The following DPYSL5 variants were observed in gnomAD, a reference collection of about 807,000 sequenced individuals.
DPYSL5 encodes the protein dihydropyrimidinase-related protein 5.
DPYSL5 carries 9 observed loss-of-function variants against 58.4 expected under a neutral mutation model. The observed-to-expected ratio is 0.15, with a 90% CI of 0.09 to 0.27. DPYSL5 has a LOEUF of 0.27. Ranked by LOEUF, DPYSL5 falls within the 10% of genes least tolerant of loss-of-function variation. The pLI, the probability that DPYSL5 is intolerant of heterozygous loss-of-function variation, is 1.00. For missense variants in DPYSL5, 499 were observed against 770.6 expected, an observed-to-expected ratio of 0.65 and a Z score of 4.17; for synonymous variants, 293 against 301.9, an observed-to-expected ratio of 0.97 and a Z score of 0.31.
intron 2 of DPYSL5, among the ~76,000 whole-genome samples, chr2:26,919,473 A>T (rs560299915): frequency 6.6e-6 from 1 of 152,256 alleles, no homozygotes; most frequent in Non-Finnish European, 1.5e-5. Flanking sequence ...ATGATGTTTC[A>T]TATTCTTCCA....
chr2:26,857,733 G>C (rs778735021), intron 1 of DPYSL5, among the ~76,000 whole-genome samples: 6 of 152,104 alleles, frequency 3.9e-5, no homozygotes, highest in Non-Finnish European at 7.3e-5. Context: ...ATTATGACAT[G>C]TATCTTATTT....
rs61652873 is a variant in DPYSL5 at position 26,931,137 on chromosome 2, T to TAAAA, written c.670-490_670-487dup. ...CTGGGAGACAGAGTGAGACCCTATC[T>TAAAA]AAAAAAAAAAAAAAAATATATATAT... On this transcript the variant is annotated intron_variant, in intron 5 of 12. Transcript: ENST00000288699. Among the ~76,000 whole-genome samples, 360 of 49,468 alleles carry TAAAA rather than the reference T, an allele frequency of 7.3e-3. 1 individual carries two copies. The highest frequency in any genetic ancestry group is 0.017 in the Middle Eastern group (1 of 58). The allele number at this position is 49,468 out of a possible 152,430, so 32.5% of individuals were successfully genotyped here. A position where few individuals can be genotyped will look rare whatever the true frequency, so the allele number is the denominator to read the frequency against.
rs1553321157 is a variant in DPYSL5 at position 26,932,201 on chromosome 2, A to AAGAAAGAC, written c.714+524_714+525insCAGAAAGA. 2.8e-3 allele frequency among the ~76,000 whole-genome samples: 164 copies of AAGAAAGAC among 58,896 alleles called. 1 individual carries two copies. The highest frequency in any genetic ancestry group is 5.6e-3 in the Non-Finnish European group (139 of 24,976). 38.6% of individuals were successfully genotyped at this position (58,896 alleles called of 152,430 possible). ...AAAGAAAGAAAGAAAGAAAGAAAGA[A>AAGAAAGAC]AGAAAGAAAAGAAAGAAAGAAAGAA... On this transcript the variant is annotated intron_variant, in intron 6 of 12. Transcript: ENST00000288699.
At chr2:26,910,615 TC>T (rs1343002334) in intron 2 of DPYSL5, among the ~76,000 whole-genome samples, 79 of 122,166 alleles carry the variant, frequency 6.5e-4, no homozygotes, top group African/African-American at 2.1e-3. Flanking sequence ...TTCTTCTTCT[TC>T]TTTTTTTTTT....
chr2:26,850,534 G>T (rs1665724971), intron 1 of DPYSL5, among the ~76,000 whole-genome samples: 1 of 151,790 alleles, frequency 6.6e-6, no homozygotes, highest in Admixed American at 6.6e-5. Context: ...ATTTTAAATT[G>T]CCATTCATTA....
intron 1 of DPYSL5, among the ~76,000 whole-genome samples, chr2:26,855,209 C>G (rs1665849417): frequency 6.7e-6 from 1 of 149,942 alleles, no homozygotes; most frequent in Non-Finnish European, 1.5e-5. Context: ...GCGGGTGGGT[C>G]ATAAAGTCAG....
intron 2 of DPYSL5, among the ~76,000 whole-genome samples, chr2:26,918,600 T>C (rs1269182116): frequency 6.6e-6 from 1 of 152,150 alleles, no homozygotes; most frequent in Non-Finnish European, 1.5e-5. Context: ...AATGATAGCT[T>C]TTCCAGCAGC....
In DPYSL5 at chr2:26,896,902, C is replaced by T. The variant is rs1372600918; in HGVS notation, c.-4-1594C>T. 2.0e-5 allele frequency among the ~76,000 whole-genome samples: 3 copies of T among 152,278 alleles called. No homozygotes were observed. In the South Asian group the frequency reaches 6.2e-4, roughly 32 times the overall value. ...GTTTGACGCAATCCCATTTGTCTATCTTTACTTTTGTTGTCTGTGCCTATA... is the reference window on the plus strand; with the variant it reads ...GTTTGACGCAATCCCATTTGTCTATTTTTACTTTTGTTGTCTGTGCCTATA... On this transcript the variant is annotated intron_variant, in intron 1 of 12. Coordinates refer to ENST00000288699, the MANE Select transcript of DPYSL5 (RefSeq NM_020134.4).
chr2:26,860,968 T>G (rs924978358), intron 1 of DPYSL5, among the ~76,000 whole-genome samples: 3 of 152,172 alleles, frequency 2.0e-5, no homozygotes, highest in African/African-American at 7.2e-5. Context: ...CATGTCTATG[T>G]TTTACCTGTC....
intron 2 of DPYSL5, among the ~76,000 whole-genome samples, chr2:26,922,141 C>G (rs1664720773): frequency 6.6e-6 from 1 of 152,198 alleles, no homozygotes; most frequent in African/African-American, 2.4e-5. Context: ...CCCTGAGAAA[C>G]AGCCCTGAGC....
chr2:26,884,230 A>G (rs889788812), intron 1 of DPYSL5, among the ~76,000 whole-genome samples: 1 of 152,120 alleles, frequency 6.6e-6, no homozygotes, highest in Non-Finnish European at 1.5e-5. Context: ...TTCCCCAGCT[A>G]AAGCCCCAAT....
At chr2:26,931,219 A>G (rs1317162084) in intron 5 of DPYSL5, among the ~76,000 whole-genome samples, 8 of 118,590 alleles carry the variant, frequency 6.7e-5, no homozygotes, top group African/African-American at 9.6e-5. Flanking sequence ...ATATATATAT[A>G]TATATATATA....
At chr2:26,903,020 G>A (rs1572697728) in intron 2 of DPYSL5, among the ~76,000 whole-genome samples, 1 of 152,062 alleles carries the variant, frequency 6.6e-6, no homozygotes, top group Admixed American at 6.5e-5. Context: ...AGCAGCCCTG[G>A]AGCTGCTCTG....
chr2:26,927,300 G>T lies in DPYSL5; in HGVS notation c.468G>T (p.Ser156=), dbSNP rs139678780. ...TGGTGAGGGAGAAGGGTGTCAACTCGTTCCAGATGTTCATGACCTACAAGG... is the reference window on the plus strand; with the variant it reads ...TGGTGAGGGAGAAGGGTGTCAACTCTTTCCAGATGTTCATGACCTACAAGG... ...ETLVREKGVN[S]FQMFMTYKDL... The change falls in exon 4 of 13, where the codon TCG becomes TCT. Residue 156 remains serine (S), a synonymous_variant. Transcript: ENST00000288699. The surrounding 1 kb of genome is among the most constrained non-coding windows in gnomAD (Gnocchi z 4.3). 4.3e-5 allele frequency: 69 copies of T among 1,614,146 alleles called. No individual in the cohort carries two copies. In the African/African-American group the frequency reaches 7.5e-4, roughly 17 times the overall value.
chr2:26,932,241 C>A (rs1665053154), intron 6 of DPYSL5, among the ~76,000 whole-genome samples: 1 of 150,124 alleles, frequency 6.7e-6, no homozygotes, highest in African/African-American at 2.5e-5. Flanking sequence ...AGAAAACCAA[C>A]CTCTACGATG....
At chr2:26,928,196 A>G (rs1305756798) in intron 4 of DPYSL5, 59 bp from the exon 5 acceptor site, 2 of 1,572,242 alleles carry the variant, frequency 1.3e-6, no homozygotes, top group Non-Finnish European at 1.7e-6. Flanking sequence ...TGGGTTCAGT[A>G]TTTTCTTACA....
intron 1 of DPYSL5, among the ~76,000 whole-genome samples, chr2:26,858,075 C>A (rs1665921648): frequency 6.6e-6 from 1 of 152,186 alleles, no homozygotes; most frequent in Admixed American, 6.5e-5. Context: ...CCATTCACAG[C>A]CCAAATTGTT....
Position 26,873,625 on chromosome 2 carries a change from A to G in DPYSL5, c.-4-24871A>G, listed in dbSNP as rs1294887388. Among the ~76,000 whole-genome samples, 5 of 152,212 alleles carry G rather than the reference A, an allele frequency of 3.3e-5. No homozygotes were observed. The East Asian group carries it at 9.6e-4, about 29-fold the overall frequency. On this transcript the variant is annotated intron_variant, in intron 1 of 12. Transcript: ENST00000288699. ...TAGATACAGTTGGGGTATGCAAATG[A>G]TGGTCTGCAGGCGAAATCCAGGCTT...
intron 3 of DPYSL5, among the ~76,000 whole-genome samples, chr2:26,926,545 A>T (rs1664833206): frequency 6.6e-6 from 1 of 152,256 alleles, no homozygotes; most frequent in African/African-American, 2.4e-5. Flanking sequence ...GAAAGGAAGT[A>T]CATAATCCAG....
Sources: allele counts gnomAD v4.1 joint callset (sites outside exome capture counted in the v4.1 genomes callset), GRCh38; gene constraint gnomAD v4.1.1; non-coding constraint Gnocchi (gnomAD v3.1); transcripts MANE v1.5; gene names NCBI Gene and HGNC (gene_info 2026-07-23, HGNC 2026-07-21).